EDAR: variants seen among roughly 807,000 people sequenced by gnomAD.
EDAR encodes the protein tumor necrosis factor receptor superfamily member EDAR.
Under a neutral mutation model 51.3 loss-of-function variants are expected in EDAR, and 38 were observed. The observed-to-expected ratio is 0.74, with a 90% confidence interval of 0.57 to 0.97. EDAR has a LOEUF of 0.97. Ranked by LOEUF, EDAR falls within the 50% of genes least tolerant of loss-of-function variation. EDAR has a pLI of 0.00. For synonymous variants in EDAR, 227 were observed against 242.1 expected, an observed-to-expected ratio of 0.94 and a Z score of 0.58; for missense variants, 528 against 595.0, an observed-to-expected ratio of 0.89 and a Z score of 1.17.
At chr2:108,944,769 A>C (rs1325673165) in intron 1 of EDAR, among the ~76,000 whole-genome samples, 1 of 152,108 alleles carries the variant, frequency 6.6e-6, no homozygotes, top group Non-Finnish European at 1.5e-5. Context: ...CCGGTCCCAG[A>C]CCTTCCTGAG....
intron 1 of EDAR, among the ~76,000 whole-genome samples, chr2:108,945,577 G>A (rs1387417994): frequency 2.0e-5 from 3 of 152,074 alleles, no homozygotes; most frequent in African/African-American, 7.2e-5. Context: ...CAGCCACAAA[G>A]AACACCAGGA....
chr2:108,969,638 G>A (rs1320671084), intron 1 of EDAR, among the ~76,000 whole-genome samples: 3 of 152,232 alleles, frequency 2.0e-5, no homozygotes, highest in African/African-American at 7.2e-5. Flanking sequence ...CAGGAATTTT[G>A]CTTTGGGTCA....
At chr2:108,929,100 C>T in intron 4 of EDAR, 98 bp downstream of exon 4, 2 of 1,388,588 alleles carry the variant, frequency 1.4e-6, no homozygotes, top group Non-Finnish European at 2.0e-6. Context: ...CCGAGGCCTG[C>T]AGTATCCATG....
chr2:108,897,142 A>G lies in EDAR; in HGVS notation c.1112T>C (p.Val371Ala), dbSNP rs1207394495. The change falls in exon 12 of 12, where the codon GTG (valine) becomes GCG (alanine). Residue 371 changes from valine to alanine, a missense_variant. Coordinates refer to ENST00000258443, the MANE Select transcript of EDAR (RefSeq NM_022336.4). ...SSTYNSEKAV[V>A]KTWRHLAESF... ...CTCGGCGAGGTGGCGCCACGTTTTC[A>G]CAACAGCCTTCTCAGAGTTGTACGT... 3.1e-6 allele frequency: 5 copies of G among 1,613,818 alleles called. No individual in the cohort carries two copies. In the Admixed American group the frequency reaches 8.3e-5, roughly 27 times the overall value.
At chr2:108,922,082 C>A (rs1697152498) in intron 5 of EDAR, among the ~76,000 whole-genome samples, 1 of 152,246 alleles carries the variant, frequency 6.6e-6, no homozygotes, top group Non-Finnish European at 1.5e-5. Context: ...CCTGCCGTGA[C>A]TCAAGTCTGC....
chr2:108,955,693 G>A (rs997360209), intron 1 of EDAR, among the ~76,000 whole-genome samples: 7 of 150,650 alleles, frequency 4.6e-5, no homozygotes, highest in Non-Finnish European at 1.0e-4. Context: ...GCGACAGAGT[G>A]AGACTCTGTC....
intron 5 of EDAR, among the ~76,000 whole-genome samples, chr2:108,921,565 T>A (rs1027346305): frequency 2.0e-5 from 3 of 152,200 alleles, no homozygotes; most frequent in Non-Finnish European, 2.9e-5. Flanking sequence ...AAATGTTTGC[T>A]GCCCAGAGTG....
intron 11 of EDAR, among the ~76,000 whole-genome samples, chr2:108,905,914 G>A (rs1319381771): frequency 6.8e-6 from 1 of 146,034 alleles, no homozygotes; most frequent in Admixed American, 6.6e-5. Flanking sequence ...CGAGGGCAGG[G>A]AGAGGGCAGC....
At chr2:108,936,323 CAGCAGGGCTTGCCACGCCTGGGTT>C (rs1697467857) in intron 1 of EDAR, among the ~76,000 whole-genome samples, 1 of 152,242 alleles carries the variant, frequency 6.6e-6, no homozygotes, top group African/African-American at 2.4e-5. Context: ...TGGCCTGGCC[CAGCAGGGCTTGCCACGCCTGGGTT>C]GACCGCATCA....
intron 1 of EDAR, among the ~76,000 whole-genome samples, chr2:108,941,907 T>A (rs1349599973): frequency 6.6e-6 from 1 of 151,678 alleles, no homozygotes; most frequent in Non-Finnish European, 1.5e-5. Context: ...AGGTGGGAGC[T>A]TATCAGGTCA....
chr2:108,906,078 C>T (rs1696797746), intron 11 of EDAR, among the ~76,000 whole-genome samples: 1 of 149,316 alleles, frequency 6.7e-6, no homozygotes, highest in Non-Finnish European at 1.5e-5. Flanking sequence ...TGTCTCCCGC[C>T]CCATGAGGGG....
chr2:108,986,510 A>G (rs915455105), intron 1 of EDAR, among the ~76,000 whole-genome samples: 8 of 152,144 alleles, frequency 5.3e-5, no homozygotes, highest in African/African-American at 1.9e-4. Flanking sequence ...CAGCCCCTCC[A>G]ATTATGAGTG....
chr2:108,984,760 G>A (rs1698470897), intron 1 of EDAR, among the ~76,000 whole-genome samples: 1 of 152,062 alleles, frequency 6.6e-6, no homozygotes, highest in Admixed American at 6.5e-5. Flanking sequence ...AGCTCTGTGA[G>A]TGCAGGGATG....
chr2:108,965,342 G>T (rs555207186), intron 1 of EDAR, among the ~76,000 whole-genome samples: 1 of 152,018 alleles, frequency 6.6e-6, no homozygotes, highest in Non-Finnish European at 1.5e-5. Flanking sequence ...TTAGCTGGGC[G>T]TGGTGGTGGG....
At chr2:108,909,792 G>A (rs925158334) in intron 9 of EDAR, among the ~76,000 whole-genome samples, 11 of 152,200 alleles carry the variant, frequency 7.2e-5, no homozygotes, top group African/African-American at 2.2e-4. Flanking sequence ...TGGTAAACGC[G>A]GGAAAGGCTT....
chr2:108,912,703 CAG>C lies in EDAR; in HGVS notation c.502_503del (p.Leu168ValfsTer86). The C allele has an allele frequency of 1.2e-6, 2 of 1,600,352 alleles. No individual in the cohort carries two copies. Among genetic ancestry groups the C allele is most frequent in the African/African-American group, 1.3e-5 (1 of 74,838 alleles). On this transcript the variant is annotated frameshift_variant, in exon 6 of 12. Coordinates refer to ENST00000258443, the MANE Select transcript of EDAR (RefSeq NM_022336.4). LOFTEE classifies it high-confidence loss of function. ...NFPGTSGSST[L>X]SPFQHAHKEL... is the part of the protein sequence containing the mutation. ...CTTTGTGGGCGTGCTGGAAGGGAGACAGGGTGCTGCTGCCCGAGGTGCCAGGG... is the reference window on the plus strand; with the variant it reads ...CTTTGTGGGCGTGCTGGAAGGGAGACGGTGCTGCTGCCCGAGGTGCCAGGG...
At chr2:108,929,438 T>C in intron 3 of EDAR, 59 bp from the exon 4 acceptor site, 1 of 1,569,534 alleles carries the variant, frequency 6.4e-7, no homozygotes, top group Non-Finnish European at 8.8e-7. Context: ...CCATACGGAC[T>C]CGGCCCACAG....
chr2:108,976,344 A>G (rs1252788187), intron 1 of EDAR, among the ~76,000 whole-genome samples: 1 of 152,226 alleles, frequency 6.6e-6, no homozygotes, highest in East Asian at 1.9e-4. Flanking sequence ...TTTGAGAGGA[A>G]GACCACAGAG....
At chr2:108,936,031 A>G (rs947530490) in intron 1 of EDAR, among the ~76,000 whole-genome samples, 1 of 152,138 alleles carries the variant, frequency 6.6e-6, no homozygotes, top group Non-Finnish European at 1.5e-5. Context: ...CGTCCTCCCT[A>G]CTGGTCACCA....
Sources: allele counts gnomAD v4.1 joint callset (sites outside exome capture counted in the v4.1 genomes callset), GRCh38; gene constraint gnomAD v4.1.1; transcripts MANE v1.5; gene names NCBI Gene and HGNC (gene_info 2026-07-23, HGNC 2026-07-21).